The following SYNPO2 variants were observed in gnomAD, a reference collection of about 807,000 sequenced individuals.
The protein encoded by SYNPO2 is synaptopodin 2, also known as synaptopodin-2.
Under a neutral mutation model 85.0 loss-of-function variants are expected in SYNPO2, and 56 were observed. That is an observed-to-expected ratio of 0.66 (90% CI 0.53 to 0.82). The LOEUF (loss-of-function observed/expected upper bound fraction) is 0.82, where lower values mean the gene tolerates loss of function less well. Ranked by LOEUF, SYNPO2 falls within the 40% of genes least tolerant of loss-of-function variation. SYNPO2 has a pLI of 0.00. For synonymous variants in SYNPO2, 602 were observed against 591.1 expected (o/e 1.02, Z -0.27); for missense variants, 1,575 against 1,534.2 (o/e 1.03, Z -0.44).
chr4:119,026,399 ATCTTGTGTAAGAGTT>A (rs1346474636), intron 2 of SYNPO2, among the ~76,000 whole-genome samples: 1 of 152,188 alleles, frequency 6.6e-6, no homozygotes, highest in African/African-American at 2.4e-5. Flanking sequence ...AGGTTTCATA[ATCTTGTGTAAGAGTT>A]TCTTTGTGCT....
intron 1 of SYNPO2, among the ~76,000 whole-genome samples, chr4:118,939,335 G>A (rs1056209395): frequency 3.9e-5 from 6 of 152,322 alleles, no homozygotes; most frequent in East Asian, 1.9e-4. Flanking sequence ...GCTGAGCGAC[G>A]CTCAAGCTAA....
chr4:119,010,686 G>A (rs1219650475), intron 1 of SYNPO2, among the ~76,000 whole-genome samples: 3 of 152,140 alleles, frequency 2.0e-5, no homozygotes, highest in Non-Finnish European at 4.4e-5. Flanking sequence ...TTATCATGTT[G>A]GGTTGTAATT....
intron 1 of SYNPO2, among the ~76,000 whole-genome samples, chr4:118,907,358 C>T (rs559139627): frequency 3.3e-5 from 5 of 152,140 alleles, no homozygotes; most frequent in Non-Finnish European, 5.9e-5. Context: ...AAAGAAACAA[C>T]TGATACAGAC....
At chr4:118,957,232 C>T (rs1734911714) in intron 1 of SYNPO2, among the ~76,000 whole-genome samples, 1 of 152,086 alleles carries the variant, frequency 6.6e-6, no homozygotes, top group African/African-American at 2.4e-5. Context: ...GGGATGTTCT[C>T]TGTGATCTTC....
In SYNPO2 at chr4:119,058,024, T is replaced by A; in HGVS notation, c.*90T>A. The A allele has an allele frequency of 7.1e-7, 1 of 1,399,148 alleles. No homozygotes were observed. Among genetic ancestry groups the A allele is most frequent in the Non-Finnish European group, 9.6e-7 (1 of 1,041,282 alleles). The allele number at this position is 1,399,148 out of a possible 1,614,324, so 86.7% of individuals were successfully genotyped here. A position where few individuals can be genotyped will look rare whatever the true frequency, so the allele number is the denominator to read the frequency against. ...TTAAACTTTTCTAATAGATTTAGAT[T>A]CACTTTTGGTCTTGGCTTGTTCTCA... On this transcript the variant is annotated 3_prime_UTR_variant, in exon 5 of 5. Coordinates refer to ENST00000307142, the MANE Select transcript of SYNPO2 (RefSeq NM_133477.3).
At position 119,031,942 on chromosome 4, in the gene SYNPO2, C is replaced by T. The variant is rs1265030126; in HGVS notation, c.3167C>T (p.Ser1056Leu). 1.1e-5 allele frequency: 17 copies of T among 1,614,110 alleles called. No individual in the cohort carries two copies. The highest frequency in any genetic ancestry group is 4.0e-5 in the African/African-American group (3 of 74,934). The change falls in exon 4 of 5, where the codon TCG (serine) becomes TTG (leucine). Residue 1056 changes from serine (S) to leucine (L), a missense_variant. Physicochemically the swap from Ser to Leu is moderately radical, Grantham distance 145 (BLOSUM62 -2). Coordinates refer to ENST00000307142, the MANE Select transcript of SYNPO2 (RefSeq NM_133477.3). ...CCAGTGCCTGTGGGCATTCCCACCT[C>T]GCCAAAGCAAGAATCAGCCTCATCA... ...ASPVPVGIPT[S>L]PKQESASSSY...
Position 118,902,576 on chromosome 4 carries a change from G to A in SYNPO2, c.105+13435G>A, listed in dbSNP as rs979126994. ...CCACTGGGTCCCTCCCATAACATGT[G>A]GGAATTATGGGAGCTACAATTCAAG... On this transcript the variant is annotated intron_variant, in intron 1 of 4. Coordinates refer to ENST00000307142, the MANE Select transcript of SYNPO2 (RefSeq NM_133477.3). 2.0e-5 allele frequency among the ~76,000 whole-genome samples: 3 copies of A among 152,094 alleles called. No individual in the cohort carries two copies. The South Asian group carries it at 6.2e-4, about 32-fold the overall frequency.
rs1408524280 is a variant in SYNPO2, at chr4:119,059,399, G to A, written c.*1465G>A. ...GTTGTCATTAGAATGTTCTGAGGAA[G>A]TTAAGCAGCTGCTTCATCAATCCCA... is the stretch of plus-strand genomic sequence containing the variant. On this transcript the variant is annotated 3_prime_UTR_variant, in exon 5 of 5. Transcript: ENST00000307142. 6.6e-6 allele frequency: 1 copy of A among 152,166 alleles called. No individual in the cohort carries two copies. The highest frequency in any genetic ancestry group is 1.5e-5 in the Non-Finnish European group (1 of 68,036). The allele number at this position is 152,166 out of a possible 1,614,324, so 9.4% of individuals were successfully genotyped here.
At chr4:118,978,614 T>C (rs947365928) in intron 1 of SYNPO2, among the ~76,000 whole-genome samples, 1 of 152,210 alleles carries the variant, frequency 6.6e-6, no homozygotes, top group Non-Finnish European at 1.5e-5. Context: ...AATGATTTCC[T>C]GAAACGGAAA....
At chr4:119,041,427 A>C (rs1269006556) in intron 4 of SYNPO2, among the ~76,000 whole-genome samples, 1 of 152,110 alleles carries the variant, frequency 6.6e-6, no homozygotes, top group Non-Finnish European at 1.5e-5. Context: ...ATAATGTACT[A>C]ATTTAAGGTT....
Position 119,001,746 on chromosome 4 carries a change from A to G in SYNPO2, c.106-21684A>G, listed in dbSNP as rs182004486. Reference sequence around the variant, plus strand: ...TTTAGATTTCCCAAAAGCAAAACATATTCTTTTTACCTTTGTCTAGTTTTC... The same window carrying G: ...TTTAGATTTCCCAAAAGCAAAACATGTTCTTTTTACCTTTGTCTAGTTTTC... On this transcript the variant is annotated intron_variant, in intron 1 of 4. Coordinates refer to ENST00000307142, the MANE Select transcript of SYNPO2 (RefSeq NM_133477.3). Among the ~76,000 whole-genome samples the G allele has an allele frequency of 1.9e-3, 289 of 152,306 alleles. 2 individuals carry two copies. The highest frequency in any genetic ancestry group is 2.3e-3 in the Non-Finnish European group (158 of 68,014).
At chr4:119,057,249 G>C in intron 4 of SYNPO2, 152 bp from the exon 5 acceptor site, 1 of 886,350 alleles carries the variant, frequency 1.1e-6, no homozygotes, top group Non-Finnish European at 1.6e-6. Flanking sequence ...AGCATGTCCT[G>C]GCTTTAAGAC....
At chr4:119,038,978 G>A (rs1350332460) in intron 4 of SYNPO2, among the ~76,000 whole-genome samples, 2 of 151,694 alleles carry the variant, frequency 1.3e-5, no homozygotes, top group Non-Finnish European at 2.9e-5. Flanking sequence ...CTAAACATGG[G>A]TTTGGAACAG....
At chr4:118,959,502 A>T (rs1338297367) in intron 1 of SYNPO2, among the ~76,000 whole-genome samples, 1 of 152,210 alleles carries the variant, frequency 6.6e-6, no homozygotes, top group Non-Finnish European at 1.5e-5. Context: ...GGTTTTTCCA[A>T]TCCTAACGCA....
At chr4:118,919,225 G>A (rs960629523) in intron 1 of SYNPO2, among the ~76,000 whole-genome samples, 2 of 150,066 alleles carry the variant, frequency 1.3e-5, no homozygotes, top group African/African-American at 2.5e-5. Context: ...AGCGCTAGTC[G>A]ATCATTGCAC....
intron 1 of SYNPO2, among the ~76,000 whole-genome samples, chr4:118,985,320 C>T (rs191405065): frequency 1.4e-3 from 210 of 152,320 alleles, no homozygotes; most frequent in African/African-American, 4.2e-3. Context: ...GGCTATGCCT[C>T]GTGCTCCTGG....
intron 1 of SYNPO2, among the ~76,000 whole-genome samples, chr4:118,855,765 T>A (rs1233043530): frequency 1.3e-5 from 2 of 152,182 alleles, no homozygotes; most frequent in East Asian, 3.8e-4. Context: ...ATAATTATTG[T>A]CTATATCATT....
intron 1 of SYNPO2, chr4:119,006,446 G>T (rs41537445): frequency 6.6e-6 from 1 of 152,122 alleles, no homozygotes; most frequent in Non-Finnish European, 1.5e-5. Context: ...AAGCCTTGGG[G>T]ATTACTAAGA....
Position 119,030,604 on chromosome 4 carries a change from C to T in SYNPO2, c.1829C>T (p.Thr610Met), listed in dbSNP as rs1307788445. ...CCCTTCTCGCCAACCCGAAACATGACGAGTCCCATTGCTGACTTTCCTGCA... is the reference window on the plus strand; with the variant it reads ...CCCTTCTCGCCAACCCGAAACATGATGAGTCCCATTGCTGACTTTCCTGCA... Reference protein sequence around the residue: ...ATPFSPTRNMTSPIADFPAPP... With the variant: ...ATPFSPTRNMMSPIADFPAPP... The change falls in exon 4 of 5, where the codon ACG becomes ATG. Residue 610 changes from threonine (T) to methionine (M), a missense_variant. By Grantham distance (81) the Thr-to-Met change is moderately conservative. This residue lies in a region of SYNPO2 where 1,508 missense variants were observed against 1,446.8 expected (regional missense o/e 1.04). Transcript: ENST00000307142. 2.5e-6 allele frequency: 4 copies of T among 1,614,090 alleles called. No individual in the cohort carries two copies. The highest frequency in any genetic ancestry group is 3.4e-6 in the Non-Finnish European group (4 of 1,180,030).
Sources: allele counts gnomAD v4.1 joint callset (sites outside exome capture counted in the v4.1 genomes callset), GRCh38; gene constraint gnomAD v4.1.1; regional missense constraint gnomAD v4.1.1; transcripts MANE v1.5; gene names NCBI Gene and HGNC (gene_info 2026-07-23, HGNC 2026-07-21).